FAM83B: variants seen among roughly 807,000 people sequenced by gnomAD.
The protein encoded by FAM83B is protein FAM83B.
Under a neutral mutation model 38.8 loss-of-function variants are expected in FAM83B, and 26 were observed. The ratio of observed to expected loss-of-function variants is 0.67; its 90% CI spans 0.49 to 0.93. The LOEUF (loss-of-function observed/expected upper bound fraction) is 0.93, where lower values mean the gene tolerates loss of function less well. FAM83B is among the 40% of genes least tolerant of loss of function. FAM83B has a pLI of 0.00. For synonymous variants in FAM83B, 419 were observed against 423.1 expected (o/e 0.99, Z 0.12); for missense variants, 1,237 against 1,197.3 (o/e 1.03, Z -0.49).
chr6:54,900,894 TC>T (rs1183978904), intron 2 of FAM83B, among the ~76,000 whole-genome samples: 3 of 152,200 alleles, frequency 2.0e-5, no homozygotes. Flanking sequence ...CACATGTGTA[TC>T]CAATAAATAA....
chr6:54,936,202 C>G (rs764292669), intron 4 of FAM83B, among the ~76,000 whole-genome samples: 3 of 152,084 alleles, frequency 2.0e-5, no homozygotes, highest in Non-Finnish European at 2.9e-5. Flanking sequence ...CTTCCTGTTG[C>G]CTGAAACTTT....
Position 54,941,833 on chromosome 6 carries a change from A to G in FAM83B, c.2862A>G (p.Pro954=), listed in dbSNP as rs1169234806. 1.9e-6 allele frequency: 3 copies of G among 1,614,044 alleles called. No individual in the cohort carries two copies. The highest frequency in any genetic ancestry group is 2.7e-5 in the African/African-American group (2 of 75,032). ...CTATTCAGCCAACAAGCAACATGCC[A>G]AATACCAGTATAAATCGCCCAGAAA... ...ESSIQPTSNM[P]NTSINRPEIK... is the part of the protein sequence containing the mutation. Residue 954 remains proline, a synonymous_variant, in exon 5 of 5, where the codon CCA becomes CCG. Transcript: ENST00000306858.
At chr6:54,858,559 A>G (rs1312509099) in intron 1 of FAM83B, among the ~76,000 whole-genome samples, 5 of 152,090 alleles carry the variant, frequency 3.3e-5, no homozygotes, top group African/African-American at 7.3e-5. Context: ...ATTTATTTAA[A>G]CAGCCAATTA....
In FAM83B at chr6:54,939,960, A is replaced by G. The variant is rs184163535; in HGVS notation, c.989A>G (p.His330Arg). 4 of 1,614,106 alleles carry G rather than the reference A, an allele frequency of 2.5e-6. No homozygotes were observed. The East Asian group carries it at 8.9e-5, about 36-fold the overall frequency. The change falls in exon 5 of 5, where the codon CAT becomes CGT. Residue 330 changes from histidine (H) to arginine (R), a missense_variant. Transcript: ENST00000306858. ...RNLFGRQDKI[H>R]KLDSSYFKNR... Reference sequence around the variant, plus strand: ...CTTTTTGGTAGACAAGACAAGATTCATAAACTAGATTCCAGTTACTTCAAA... The same window carrying G: ...CTTTTTGGTAGACAAGACAAGATTCGTAAACTAGATTCCAGTTACTTCAAA...
intron 2 of FAM83B, among the ~76,000 whole-genome samples, chr6:54,908,252 T>C (rs2127583706): frequency 6.6e-6 from 1 of 152,182 alleles, no homozygotes; most frequent in East Asian, 1.9e-4. Flanking sequence ...CCTTATTCCC[T>C]TATGTTTTTT....
At chr6:54,889,828 A>T (rs1772360920) in intron 2 of FAM83B, among the ~76,000 whole-genome samples, 1 of 152,108 alleles carries the variant, frequency 6.6e-6, no homozygotes. Flanking sequence ...GGTTGACTCT[A>T]TTGGAAACAT....
chr6:54,847,440 A>G (rs575304827), intron 1 of FAM83B, among the ~76,000 whole-genome samples: 14 of 152,168 alleles, frequency 9.2e-5, no homozygotes, highest in Middle Eastern at 3.4e-3. Flanking sequence ...TGTGTTTTTC[A>G]TACTTGGGTC....
rs1377445374 is a variant in FAM83B, at chr6:54,944,446, G to C, written c.*2439G>C. 1 of 152,170 alleles carries C rather than the reference G, an allele frequency of 6.6e-6. No individual in the cohort carries two copies. Among genetic ancestry groups the C allele is most frequent in the African/African-American group, 2.4e-5 (1 of 41,446 alleles). 9.4% of individuals were successfully genotyped at this position (152,170 alleles called of 1,614,324 possible). A position where few individuals can be genotyped will look rare whatever the true frequency, so the allele number is the denominator to read the frequency against. On this transcript the variant is annotated 3_prime_UTR_variant, in exon 5 of 5. Transcript: ENST00000306858. ...CAAAGTAGTTCTTGGCAGATGGCTA[G>C]AGAATACTGCAAGTGACCCTGTATC... is the stretch of plus-strand genomic sequence containing the variant.
rs1357989765 is a variant in FAM83B, at chr6:54,944,343, G to A, written c.*2336G>A. Reference sequence around the variant, plus strand: ...TTGATGTACATTGATATTAAAGTTTGGTAATGCAGCTTTTACTGTCTACAT... The same window carrying A: ...TTGATGTACATTGATATTAAAGTTTAGTAATGCAGCTTTTACTGTCTACAT... On this transcript the variant is annotated 3_prime_UTR_variant, in exon 5 of 5. Transcript: ENST00000306858. 6.6e-6 allele frequency: 1 copy of A among 152,056 alleles called. No individual in the cohort carries two copies. Among genetic ancestry groups the A allele is most frequent in the Non-Finnish European group, 1.5e-5 (1 of 68,002 alleles). The allele number at this position is 152,056 out of a possible 1,614,324, so 9.4% of individuals were successfully genotyped here.
At chr6:54,927,956 A>C (rs554258155) in intron 4 of FAM83B, among the ~76,000 whole-genome samples, 2 of 152,328 alleles carry the variant, frequency 1.3e-5, no homozygotes, top group Admixed American at 1.3e-4. Context: ...AACATTACAT[A>C]GTATGGATTT....
At chr6:54,879,571 A>G (rs1772077120) in intron 2 of FAM83B, among the ~76,000 whole-genome samples, 1 of 152,148 alleles carries the variant, frequency 6.6e-6, no homozygotes, top group East Asian at 1.9e-4. Context: ...TATGGTGGAG[A>G]GCTGGGCATT....
At chr6:54,924,012 A>C (rs1041051807) in intron 2 of FAM83B, among the ~76,000 whole-genome samples, 2 of 151,980 alleles carry the variant, frequency 1.3e-5, no homozygotes, top group Non-Finnish European at 2.9e-5. Flanking sequence ...TTTCATTAGC[A>C]TAAAGACATA....
At chr6:54,895,588 AT>A (rs1772511180) in intron 2 of FAM83B, among the ~76,000 whole-genome samples, 1 of 152,210 alleles carries the variant, frequency 6.6e-6, no homozygotes, top group Non-Finnish European at 1.5e-5. Context: ...AGCATCATAT[AT>A]TCTGGAACTG....
In FAM83B at chr6:54,939,912, C is replaced by T. The variant is rs1459366458; in HGVS notation, c.941C>T (p.Ala314Val). ...TACCAGCATTCGGTGTCTTCATTAGCATCTGTTTCCAGCCAGAGAAACCTT... is the reference window on the plus strand; with the variant it reads ...TACCAGCATTCGGTGTCTTCATTAGTATCTGTTTCCAGCCAGAGAAACCTT... Reference protein sequence around the residue: ...GTYQHSVSSLASVSSQRNLFG... With the variant: ...GTYQHSVSSLVSVSSQRNLFG... The change falls in exon 5 of 5, where the codon GCA becomes GTA. Residue 314 changes from alanine (A) to valine (V), a missense_variant. By Grantham distance (64) the Ala-to-Val change is moderately conservative (BLOSUM62 0). Transcript: ENST00000306858. The T allele has an allele frequency of 6.2e-6, 10 of 1,614,016 alleles. No individual in the cohort carries two copies. The highest frequency in any genetic ancestry group is 8.5e-6 in the Non-Finnish European group (10 of 1,179,968).
chr6:54,903,372 G>A (rs1772706840), intron 2 of FAM83B, among the ~76,000 whole-genome samples: 1 of 152,138 alleles, frequency 6.6e-6, no homozygotes. Context: ...TCACTGTAAA[G>A]AACATTGCCA....
intron 2 of FAM83B, among the ~76,000 whole-genome samples, chr6:54,886,999 C>T (rs1045506850): frequency 2.6e-5 from 4 of 151,930 alleles, no homozygotes; most frequent in African/African-American, 9.7e-5. Flanking sequence ...CAAATCGTTT[C>T]GAATTTTTAT....
In FAM83B at chr6:54,940,145, G is replaced by C. The variant is rs867463762; in HGVS notation, c.1174G>C (p.Glu392Gln). The change falls in exon 5 of 5, where the codon GAA becomes CAA. Residue 392 changes from glutamate (E) to glutamine (Q), a missense_variant. Transcript: ENST00000306858. ...ENWKRHSYAG[E>Q]QPETVPYLLL... ...TTGGAAAAGGCATAGTTATGCTGGG[G>C]AACAGCCAGAAACAGTGCCATACCT... The C allele has an allele frequency of 1.2e-6, 2 of 1,614,018 alleles. No individual in the cohort carries two copies. Among genetic ancestry groups the C allele is most frequent in the South Asian group, 2.2e-5 (2 of 91,074 alleles).
At chr6:54,928,895 A>G (rs1773365383) in intron 4 of FAM83B, among the ~76,000 whole-genome samples, 1 of 152,148 alleles carries the variant, frequency 6.6e-6, no homozygotes, top group Non-Finnish European at 1.5e-5. Flanking sequence ...TGCAATGACT[A>G]TAGTTGAGCT....
intron 2 of FAM83B, among the ~76,000 whole-genome samples, chr6:54,923,031 T>C (rs1463163223): frequency 6.6e-6 from 1 of 152,086 alleles, no homozygotes; most frequent in Non-Finnish European, 1.5e-5. Flanking sequence ...ATCTTTATGT[T>C]ATAAAAACTT....
Sources: gnomAD v4.1 joint callset for allele counts (sites outside exome capture counted in the v4.1 genomes callset) on GRCh38, gnomAD v4.1.1 for gene constraint, MANE v1.5 for transcripts, NCBI Gene and HGNC (gene_info 2026-07-23, HGNC 2026-07-21) for gene names.